The following PHACTR1 variants were observed in gnomAD, a reference collection of about 807,000 sequenced individuals.
PHACTR1 encodes the protein phosphatase and actin regulator 1.
PHACTR1 carries 16 observed loss-of-function variants against 69.2 expected under a neutral mutation model. That is an observed-to-expected ratio of 0.23 (90% CI 0.16 to 0.35). The LOEUF is 0.35. Ranked by LOEUF, PHACTR1 falls within the 10% of genes least tolerant of loss-of-function variation. PHACTR1 has a pLI of 1.00. For synonymous variants in PHACTR1, 312 were observed against 284.5 expected, an observed-to-expected ratio of 1.10 and a Z score of -0.97; for missense variants, 510 against 734.7, an observed-to-expected ratio of 0.69 and a Z score of 3.54.
Position 13,228,143 on chromosome 6 carries a change from C to T in PHACTR1, c.1234+80C>T, listed in dbSNP as rs948182552. On this transcript the variant is annotated intron_variant, in intron 9 of 14. Transcript: ENST00000332995. ...ACAGCAGAGAGTGGACCCAGCAGCC[C>T]AGCAGTCTGGGTTCTAATCCCTGCT... 11 of 1,496,778 alleles carry T rather than the reference C, an allele frequency of 7.3e-6. No homozygotes were observed. The African/African-American group carries it at 1.4e-4, about 19-fold the overall frequency. The allele number at this position is 1,496,778 out of a possible 1,614,324, so 92.7% of individuals were successfully genotyped here. A position where few individuals can be genotyped will look rare whatever the true frequency, so the allele number is the denominator to read the frequency against.
intron 4 of PHACTR1, among the ~76,000 whole-genome samples, chr6:13,013,468 T>G (rs1799674597): frequency 6.6e-6 from 1 of 152,176 alleles, no homozygotes; most frequent in Non-Finnish European, 1.5e-5. Context: ...TTCGGCAGCT[T>G]TAGGCGTGAA....
At chr6:12,799,345 T>G (rs914783708) in intron 4 of PHACTR1, among the ~76,000 whole-genome samples, 4 of 152,146 alleles carry the variant, frequency 2.6e-5, no homozygotes, top group African/African-American at 9.7e-5. Flanking sequence ...GCCACCAGAA[T>G]CAAGATGAAT....
Position 13,136,027 on chromosome 6 carries a change from G to T in PHACTR1, c.416-24177G>T, listed in dbSNP as rs1007538967. ...CTTCCAGATATTTTTGTCTGCACATGTATTTATATAAAAGTGAGATTATAG... is the reference window on the plus strand; with the variant it reads ...CTTCCAGATATTTTTGTCTGCACATTTATTTATATAAAAGTGAGATTATAG... On this transcript the variant is annotated intron_variant, in intron 5 of 14. Coordinates refer to ENST00000332995, the MANE Select transcript of PHACTR1 (RefSeq NM_030948.6). Among the ~76,000 whole-genome samples, 66 of 152,214 alleles carry T rather than the reference G, an allele frequency of 4.3e-4. No individual in the cohort carries two copies. In the Middle Eastern group the frequency reaches 0.017, roughly 39 times the overall value.
chr6:12,749,498 T>TC (rs777636801), intron 3 of PHACTR1, 146 bp from the exon 4 acceptor site: 59 of 666,616 alleles, frequency 8.9e-5, no homozygotes, highest in Middle Eastern at 4.9e-4. Flanking sequence ...TTTTCCTTTT[T>TC]CCCTCTCTTT....
At chr6:13,208,029 G>GA (rs1007267661) in intron 8 of PHACTR1, among the ~76,000 whole-genome samples, 2 of 151,818 alleles carry the variant, frequency 1.3e-5, no homozygotes, top group Admixed American at 6.6e-5. Flanking sequence ...GCTGCAAAAG[G>GA]AAAAAAACAA....
At chr6:13,076,618 C>G (rs1295747459) in intron 5 of PHACTR1, among the ~76,000 whole-genome samples, 5 of 152,086 alleles carry the variant, frequency 3.3e-5, no homozygotes, top group African/African-American at 1.2e-4. Context: ...AAATGCAATT[C>G]CTTCCTCTGA....
At chr6:12,933,687 C>A in intron 4 of PHACTR1, 1 of 1,612,830 alleles carries the variant, frequency 6.2e-7, no homozygotes, top group Non-Finnish European at 8.5e-7. Flanking sequence ...GCAGTGCCAA[C>A]TCTTGGGCGT....
chr6:13,211,549 T>C (rs916972301), intron 8 of PHACTR1, among the ~76,000 whole-genome samples: 1 of 152,180 alleles, frequency 6.6e-6, no homozygotes, highest in Non-Finnish European at 1.5e-5. Flanking sequence ...AGATTCTTAA[T>C]GGAATGCACT....
intron 4 of PHACTR1, among the ~76,000 whole-genome samples, chr6:12,959,952 C>T (rs942181955): frequency 6.6e-6 from 1 of 152,158 alleles, no homozygotes; most frequent in African/African-American, 2.4e-5. Flanking sequence ...AGGTTTTGTT[C>T]ATTTCTGGGA....
At chr6:13,152,178 C>CA (rs1293660942) in intron 5 of PHACTR1, among the ~76,000 whole-genome samples, 1 of 151,876 alleles carries the variant, frequency 6.6e-6, no homozygotes. Context: ...ACTAAAAATA[C>CA]AAAAAATTAG....
At position 13,259,584 on chromosome 6, in the gene PHACTR1, A is replaced by G. The variant is rs1775634572; in HGVS notation, c.1392-13276A>G. Reference sequence around the variant, plus strand: ...TTCATGCTTTGTACTTATTTTTAAAAGGGACTTTCACATCTAATTCTCCTT... The same window carrying G: ...TTCATGCTTTGTACTTATTTTTAAAGGGGACTTTCACATCTAATTCTCCTT... On this transcript the variant is annotated intron_variant, in intron 10 of 14. Coordinates refer to ENST00000332995, the MANE Select transcript of PHACTR1 (RefSeq NM_030948.6). Among the ~76,000 whole-genome samples, 5 of 152,328 alleles carry G rather than the reference A, an allele frequency of 3.3e-5. No individual in the cohort carries two copies. In the South Asian group the frequency reaches 1.0e-3, roughly 32 times the overall value.
At chr6:13,196,740 C>T (rs970507077) in intron 7 of PHACTR1, among the ~76,000 whole-genome samples, 2 of 152,196 alleles carry the variant, frequency 1.3e-5, no homozygotes, top group Non-Finnish European at 2.9e-5. Context: ...TTTTCAATAC[C>T]GATGTAGTGC....
chr6:12,719,694 C>T (rs139582144), intron 3 of PHACTR1, among the ~76,000 whole-genome samples: 2,453 of 152,242 alleles, frequency 0.016, 41 homozygotes, highest in Non-Finnish European at 0.024. Context: ...GAAGATAATG[C>T]AGTCAGTTTT....
intron 4 of PHACTR1, among the ~76,000 whole-genome samples, chr6:12,795,801 T>G (rs17679107): frequency 0.028 from 4,270 of 151,822 alleles, 77 homozygotes; most frequent in Middle Eastern, 0.048. Flanking sequence ...TGTATTAACC[T>G]TTTTTGGAAC....
Position 12,925,445 on chromosome 6 carries a change from C to T in PHACTR1, c.251-127920C>T, listed in dbSNP as rs138908876. Among the ~76,000 whole-genome samples, 19 of 152,280 alleles carry T rather than the reference C, an allele frequency of 1.2e-4. No individual in the cohort carries two copies. In the East Asian group the frequency reaches 3.5e-3, roughly 28 times the overall value. Reference sequence around the variant, plus strand: ...AAAAAGTTGGATAAAATTTTAATAACTTAATGTCTTTCTAAGGTACGAAAC... The same window carrying T: ...AAAAAGTTGGATAAAATTTTAATAATTTAATGTCTTTCTAAGGTACGAAAC... On this transcript the variant is annotated intron_variant, in intron 4 of 14. Coordinates refer to ENST00000332995, the MANE Select transcript of PHACTR1 (RefSeq NM_030948.6).
At chr6:12,984,536 A>T (rs1473337393) in intron 4 of PHACTR1, among the ~76,000 whole-genome samples, 1 of 152,232 alleles carries the variant, frequency 6.6e-6, no homozygotes, top group Admixed American at 6.5e-5. Context: ...TAAGTCAACA[A>T]TTCTAACCTT....
At chr6:12,721,457 C>T (rs1407802699) in intron 3 of PHACTR1, among the ~76,000 whole-genome samples, 1 of 151,772 alleles carries the variant, frequency 6.6e-6, no homozygotes. Flanking sequence ...AAAAGTTAAA[C>T]CTATTTCTAG....
intron 5 of PHACTR1, among the ~76,000 whole-genome samples, chr6:13,153,856 A>G (rs935911014): frequency 1.4e-4 from 22 of 152,192 alleles, no homozygotes; most frequent in Non-Finnish European, 2.5e-4. Context: ...TAATTTTTCA[A>G]TTTTAATGTT....
In PHACTR1 at chr6:13,099,680, G is replaced by A. The variant is rs1046263203; in HGVS notation, c.415+46151G>A. Among the ~76,000 whole-genome samples the A allele has an allele frequency of 3.9e-5, 6 of 152,108 alleles. 1 individual carries two copies. The highest frequency in any genetic ancestry group is 3.9e-4 in the Admixed American group (6 of 15,270). On this transcript the variant is annotated intron_variant, in intron 5 of 14. Transcript: ENST00000332995. ...CTACATGAACATGAAAGATAACTTA[G>A]GTAAAATCCAAACATAACTACATTG...
Sources: allele counts gnomAD v4.1 joint callset (sites outside exome capture counted in the v4.1 genomes callset), GRCh38; gene constraint gnomAD v4.1.1; transcripts MANE v1.5; gene names NCBI Gene and HGNC (gene_info 2026-07-23, HGNC 2026-07-21).